Variants in SGMS1 observed in about 807,000 individuals in gnomAD.
SGMS1 encodes the protein phosphatidylcholine:ceramide cholinephosphotransferase 1.
SGMS1 carries 13 observed loss-of-function variants against 46.2 expected under a neutral mutation model. The ratio of observed to expected loss-of-function variants is 0.28; its 90% confidence interval spans 0.18 to 0.45. The LOEUF (loss-of-function observed/expected upper bound fraction) is 0.45, where lower values mean the gene tolerates loss of function less well. Ranked by LOEUF, SGMS1 falls within the 20% of genes least tolerant of loss-of-function variation. The pLI is 1.00. For synonymous variants in SGMS1, 203 were observed against 187.8 expected (o/e 1.08, Z -0.66); for missense variants, 324 against 519.9 (o/e 0.62, Z 3.66).
At chr10:50,618,846 G>GA (rs1838821897) in intron 1 of SGMS1, among the ~76,000 whole-genome samples, 1 of 152,172 alleles carries the variant, frequency 6.6e-6, no homozygotes, top group African/African-American at 2.4e-5. Flanking sequence ...TGGGCATGCT[G>GA]AAACACAGTT....
At chr10:50,586,395 A>T (rs1838484686) in intron 2 of SGMS1, among the ~76,000 whole-genome samples, 4 of 152,254 alleles carry the variant, frequency 2.6e-5, no homozygotes, top group African/African-American at 9.6e-5. Flanking sequence ...ACTCTACAGA[A>T]CAACTGGCTT....
intron 3 of SGMS1, among the ~76,000 whole-genome samples, chr10:50,485,040 G>A: frequency 6.6e-6 from 1 of 152,132 alleles, no homozygotes; most frequent in Non-Finnish European, 1.5e-5. Flanking sequence ...TGGAAGTTCT[G>A]GCAGGGCAAT....
At chr10:50,357,823 T>G (rs1848178210) in intron 6 of SGMS1, among the ~76,000 whole-genome samples, 1 of 152,236 alleles carries the variant, frequency 6.6e-6, no homozygotes, top group African/African-American at 2.4e-5. Context: ...GGACTCAAGA[T>G]TGAACAAACA....
intron 1 of SGMS1, among the ~76,000 whole-genome samples, chr10:50,613,767 A>C (rs1838771692): frequency 6.6e-6 from 1 of 152,216 alleles, no homozygotes; most frequent in African/African-American, 2.4e-5. Context: ...TTTCGTCCCG[A>C]GGTTTTATAT....
chr10:50,562,604 C>T (rs888395549), intron 2 of SGMS1, among the ~76,000 whole-genome samples: 1 of 152,182 alleles, frequency 6.6e-6, no homozygotes, highest in Non-Finnish European at 1.5e-5. Flanking sequence ...AGTGCAGTGG[C>T]GCGATCTCGT....
intron 2 of SGMS1, among the ~76,000 whole-genome samples, chr10:50,555,759 TTA>T (rs1241479568): frequency 6.6e-6 from 1 of 152,168 alleles, no homozygotes; most frequent in Non-Finnish European, 1.5e-5. Context: ...TGGCTAGCTT[TTA>T]AAACATTTTA....
At chr10:50,538,792 T>A (rs1350226290) in intron 2 of SGMS1, among the ~76,000 whole-genome samples, 1 of 152,180 alleles carries the variant, frequency 6.6e-6, no homozygotes, top group Non-Finnish European at 1.5e-5. Context: ...GCTGTAAGTA[T>A]CATTAAGTGG....
intron 6 of SGMS1, among the ~76,000 whole-genome samples, chr10:50,374,760 T>C (rs1848497581): frequency 6.6e-6 from 1 of 152,120 alleles, no homozygotes; most frequent in South Asian, 2.1e-4. Context: ...CTGGCCACTG[T>C]TTCTCTAATA....
At chr10:50,492,609 C>T (rs931634551) in intron 3 of SGMS1, among the ~76,000 whole-genome samples, 5 of 152,074 alleles carry the variant, frequency 3.3e-5, no homozygotes, top group Admixed American at 2.6e-4. Context: ...AGGTGAAAGA[C>T]CTCTACAAAG....
intron 5 of SGMS1, among the ~76,000 whole-genome samples, chr10:50,444,584 C>T (rs1836984099): frequency 1.3e-5 from 2 of 152,018 alleles, no homozygotes; most frequent in African/African-American, 4.8e-5. Flanking sequence ...ACTCCTACCT[C>T]ACACTAATAA....
rs1849076882 is a variant in SGMS1, at chr10:50,410,192, C to T, written c.-232+23284G>A. ...TAAGCACTCAATGACATTCATTTTT[C>T]TTCTCAACGTTTTCTAAATTGCAAT... is the stretch of plus-strand genomic sequence containing the variant. On this transcript the variant is annotated intron_variant, in intron 6 of 10. Transcript: ENST00000361781. 2.0e-5 allele frequency among the ~76,000 whole-genome samples: 3 copies of T among 152,126 alleles called. No homozygotes were observed. The East Asian group carries it at 5.8e-4, about 29-fold the overall frequency.
At chr10:50,509,835 T>C (rs1315072809) in intron 3 of SGMS1, among the ~76,000 whole-genome samples, 2 of 152,224 alleles carry the variant, frequency 1.3e-5, no homozygotes, top group African/African-American at 4.8e-5. Context: ...CCTTTGATGG[T>C]ATTTAAGCCA....
chr10:50,609,586 GA>G (rs1383687427), intron 1 of SGMS1, among the ~76,000 whole-genome samples: 1 of 134,496 alleles, frequency 7.4e-6, no homozygotes, highest in Non-Finnish European at 1.5e-5. Flanking sequence ...AATGCTTTCA[GA>G]ACAACTTTCT....
chr10:50,549,836 C>T (rs145069663), intron 2 of SGMS1, among the ~76,000 whole-genome samples: 4 of 152,196 alleles, frequency 2.6e-5, no homozygotes, highest in Non-Finnish European at 5.9e-5. Context: ...TTTTAAATGC[C>T]AGGAGCCAAT....
intron 8 of SGMS1, among the ~76,000 whole-genome samples, chr10:50,313,576 T>G (rs552656906): frequency 2.0e-5 from 3 of 152,218 alleles, no homozygotes; most frequent in Non-Finnish European, 4.4e-5. Context: ...AGTTTCAAAT[T>G]AAAAGTTTGG....
At chr10:50,441,728 A>G (rs1849549190) in intron 5 of SGMS1, among the ~76,000 whole-genome samples, 1 of 152,270 alleles carries the variant, frequency 6.6e-6, no homozygotes, top group East Asian at 1.9e-4. Context: ...GCACACAGAT[A>G]ACCTTTTCTA....
Position 50,344,170 on chromosome 10 carries a change from T to C in SGMS1, c.-56A>G. On this transcript the variant is annotated 5_prime_UTR_variant, in exon 7 of 11. Coordinates refer to ENST00000361781, the MANE Select transcript of SGMS1 (RefSeq NM_147156.4). ...TCTCTCTTGGCAGGTCAGCAGTCAC[T>C]GTTCCGACAGGGCAGGACACTGTCC... is the stretch of plus-strand genomic sequence containing the variant. 1 of 1,534,676 alleles carries C rather than the reference T, an allele frequency of 6.5e-7. No individual in the cohort carries two copies. The highest frequency in any genetic ancestry group is 8.7e-7 in the Non-Finnish European group (1 of 1,148,862).
intron 7 of SGMS1, chr10:50,342,557 CA>C (rs1847836352): frequency 6.6e-6 from 1 of 152,102 alleles, no homozygotes; most frequent in African/African-American, 2.4e-5. Flanking sequence ...AAAGAACATT[CA>C]GCATGAACTC....
At chr10:50,586,591 TAGAGAAAGTAATAATGGC>T (rs1317842220) in intron 2 of SGMS1, among the ~76,000 whole-genome samples, 1 of 152,308 alleles carries the variant, frequency 6.6e-6, no homozygotes, top group East Asian at 1.9e-4. Context: ...GGAGGGGCTG[TAGAGAAAGTAATAATGGC>T]AGAGAAGAGG....
Sources: gnomAD v4.1 joint callset for allele counts (sites outside exome capture counted in the v4.1 genomes callset) on GRCh38, gnomAD v4.1.1 for gene constraint, MANE v1.5 for transcripts, NCBI Gene and HGNC (gene_info 2026-07-23, HGNC 2026-07-21) for gene names.